Variants in ZNF782 observed in about 807,000 individuals in gnomAD.
ZNF782 encodes zinc finger protein 782.
A neutral mutation model predicts 13.0 loss-of-function variants in ZNF782; 12 were observed. The ratio of observed to expected loss-of-function variants is 0.92; its 90% CI spans 0.59 to 1.50. The LOEUF (loss-of-function observed/expected upper bound fraction) is 1.50, where lower values mean the gene tolerates loss of function less well. ZNF782 is among the 40% of genes most tolerant of loss of function. The pLI is 0.00. For synonymous variants in ZNF782, 284 were observed against 283.0 expected (o/e 1.00, Z -0.04); for missense variants, 770 against 822.9 (o/e 0.94, Z 0.79).
the ZNF782 span, among the ~76,000 whole-genome samples, chr9:96,903,383 G>T: frequency 6.6e-6 from 1 of 151,414 alleles, no homozygotes; most frequent in Non-Finnish European, 1.5e-5. Context: ...CCCTTTTTTT[G>T]CCGGGTAGTC....
the ZNF782 span, among the ~76,000 whole-genome samples, chr9:96,911,769 C>T: frequency 3.3e-5 from 5 of 151,868 alleles, no homozygotes; most frequent in Admixed American, 1.3e-4. Context: ...ATCCGCCCAC[C>T]TCAGCCTCCC....
intron 5 of ZNF782, among the ~76,000 whole-genome samples, chr9:96,821,483 A>T (rs1215484730): frequency 6.6e-6 from 1 of 152,162 alleles, no homozygotes; most frequent in Non-Finnish European, 1.5e-5. Flanking sequence ...TAAAATCTGA[A>T]AGTAGTTACT....
At chr9:96,912,017 T>TG in the ZNF782 span, among the ~76,000 whole-genome samples, 1 of 151,190 alleles carries the variant, frequency 6.6e-6, no homozygotes, top group Non-Finnish European at 1.5e-5. Context: ...CTGACCAACA[T>TG]GGGGAAACCC....
chr9:96,911,016 T>G, the ZNF782 span, among the ~76,000 whole-genome samples: 309 of 148,616 alleles, frequency 2.1e-3, no homozygotes, highest in African/African-American at 6.8e-3. Context: ...GTACATATTG[T>G]TAGGGTCAGC....
At chr9:96,864,453 G>T (rs1003138888) in intron 1 of ZNF782, among the ~76,000 whole-genome samples, 2 of 151,968 alleles carry the variant, frequency 1.3e-5, no homozygotes, top group Admixed American at 6.6e-5. Flanking sequence ...TAGCCTTATG[G>T]TTATATGAAT....
the ZNF782 span, among the ~76,000 whole-genome samples, chr9:96,901,373 G>A: frequency 3.5e-5 from 5 of 144,312 alleles, no homozygotes; most frequent in Admixed American, 7.1e-5. Flanking sequence ...CCAGATTCAA[G>A]CAATTCTCCT....
the ZNF782 span, among the ~76,000 whole-genome samples, chr9:96,905,422 C>T: frequency 5.9e-5 from 9 of 151,872 alleles, no homozygotes; most frequent in African/African-American, 2.2e-4. Flanking sequence ...AAGGGAGGAA[C>T]TCTCATTTCT....
At chr9:96,876,805 C>T (rs906935443), upstream of ZNF782, among the ~76,000 whole-genome samples, 22 of 151,768 alleles carry the variant, frequency 1.4e-4, no homozygotes, top group Non-Finnish European at 2.9e-4. Flanking sequence ...CAGAAGTTCG[C>T]GACCAGCCTG....
the ZNF782 span, among the ~76,000 whole-genome samples, chr9:96,910,844 G>A: frequency 1.2e-4 from 18 of 149,742 alleles, no homozygotes; most frequent in Admixed American, 3.3e-4. Context: ...CACAGTGTTA[G>A]CCAGTATGGT....
Position 96,869,199 on chromosome 9 carries a change from G to C in ZNF782, c.-457+6269C>G, listed in dbSNP as rs574560753. ...ACTGAAGAGCTTATTAACCTTTTTG[G>C]CATGTAGTTTATGGTTTATACAAAG... On this transcript the variant is annotated intron_variant, in intron 1 of 5. Coordinates refer to the ZNF782 transcript ENST00000498811. 2.0e-5 allele frequency among the ~76,000 whole-genome samples: 3 copies of C among 151,788 alleles called. No homozygotes were observed. In the South Asian group the frequency reaches 6.3e-4, roughly 32 times the overall value.
At chr9:96,922,579 T>C in the ZNF782 span, among the ~76,000 whole-genome samples, 2 of 152,308 alleles carry the variant, frequency 1.3e-5, no homozygotes, top group Non-Finnish European at 2.9e-5. Flanking sequence ...GAGACCATCC[T>C]GGATAACACG....
the ZNF782 span, among the ~76,000 whole-genome samples, chr9:96,905,032 A>C: frequency 1.3e-5 from 2 of 149,666 alleles, no homozygotes; most frequent in Admixed American, 1.3e-4. Context: ...AAACAAAACA[A>C]AAAACAGAAA....
At chr9:96,841,533 A>C (rs1250182531) in intron 4 of ZNF782, among the ~76,000 whole-genome samples, 2 of 151,974 alleles carry the variant, frequency 1.3e-5, no homozygotes, top group Non-Finnish European at 2.9e-5. Flanking sequence ...GACATTACCA[A>C]GTAAGGTTTA....
intron 4 of ZNF782, among the ~76,000 whole-genome samples, chr9:96,830,303 C>T (rs988551957): frequency 1.3e-5 from 2 of 148,968 alleles, no homozygotes; most frequent in African/African-American, 5.2e-5. Flanking sequence ...CTTACTGTTC[C>T]ACCAGGGTCA....
intron 3 of ZNF782, among the ~76,000 whole-genome samples, chr9:96,846,063 G>C (rs1238945787): frequency 6.6e-6 from 1 of 152,170 alleles, no homozygotes; most frequent in Non-Finnish European, 1.5e-5. Flanking sequence ...TCTTTAAACA[G>C]AGTACCTGTC....
intron 3 of ZNF782, among the ~76,000 whole-genome samples, chr9:96,849,616 C>T (rs751916187): frequency 4.6e-5 from 7 of 152,182 alleles, no homozygotes; most frequent in African/African-American, 1.2e-4. Context: ...GCCACGAACT[C>T]GTGACTAATA....
chr9:96,911,438 CA>C, the ZNF782 span, among the ~76,000 whole-genome samples: 1,051 of 28,250 alleles, frequency 0.037, 5 homozygotes, highest in African/African-American at 0.14. Context: ...GACTCTGTCT[CA>C]AAAAAAAAAA....
rs1295755890 is a variant in ZNF782 at position 96,818,845 on chromosome 9, G to T, written c.1178C>A (p.Pro393His). 2.5e-6 allele frequency: 4 copies of T among 1,614,022 alleles called. No homozygotes were observed. In the African/African-American group the frequency reaches 5.3e-5, roughly 22 times the overall value. Residue 393 changes from proline (P) to histidine (H), a missense_variant, in exon 6 of 6, where the codon CCC becomes CAC. Coordinates refer to ENST00000481138, the MANE Select transcript of ZNF782 (RefSeq NM_001001662.3). ...WPQKSHTGEK[P>H]YECPECGKAF... is the part of the protein sequence containing the mutation. ...TTTCCCGCACTCAGGACATTCATAG[G>T]GTTTCTCCCCTGTGTGACTTTTCTG...
chr9:96,926,586 A>T, the ZNF782 span, among the ~76,000 whole-genome samples: 1 of 151,196 alleles, frequency 6.6e-6, no homozygotes, highest in Non-Finnish European at 1.5e-5. Context: ...GCCACTGTGG[A>T]GGCATTTCAT....
Sources: gnomAD v4.1 joint callset for allele counts (sites outside exome capture counted in the v4.1 genomes callset) on GRCh38, gnomAD v4.1.1 for gene constraint, MANE v1.5 for transcripts, NCBI Gene and HGNC (gene_info 2026-07-23, HGNC 2026-07-21) for gene names.